The following CDIN1 variants were observed in gnomAD, a reference collection of about 807,000 sequenced individuals.
CDIN1 encodes CDAN1-interacting nuclease 1.
A neutral mutation model predicts 45.3 loss-of-function variants in CDIN1; 33 were observed. The observed-to-expected ratio is 0.73, with a 90% CI of 0.55 to 0.97. CDIN1 has a LOEUF of 0.97. Among genes scored for constraint, CDIN1 ranks in the 50% least tolerant of loss-of-function variants. CDIN1 has a pLI of 0.00. For synonymous variants in CDIN1, 118 were observed against 124.4 expected (o/e 0.95, Z 0.34); for missense variants, 303 against 339.4 (o/e 0.89, Z 0.84).
Position 36,619,030 on chromosome 15 carries a change from G to T in CDIN1, c.102-25248G>T. On this transcript the variant is annotated intron_variant, in intron 1 of 10. Coordinates refer to ENST00000566621, the MANE Select transcript of CDIN1 (RefSeq NM_001321759.2). ...ACTATGGGAACTTCGCTCCAATGTA[G>T]TGTCTCCCACGACAAACAAAGACAA... The T allele has an allele frequency of 2.2e-6, 3 of 1,393,956 alleles. No individual in the cohort carries two copies. In the South Asian group the frequency reaches 4.0e-5, roughly 19 times the overall value. 86.3% of individuals were successfully genotyped at this position (1,393,956 alleles called of 1,614,324 possible).
chr15:36,725,146 C>T (rs376409358), intron 10 of CDIN1, among the ~76,000 whole-genome samples: 4 of 152,156 alleles, frequency 2.6e-5, no homozygotes, highest in African/African-American at 9.6e-5. Context: ...CCTGCAACAC[C>T]GAGGGACTCA....
At chr15:36,696,594 A>G (rs895086240) in intron 7 of CDIN1, 1 of 152,044 alleles carries the variant, frequency 6.6e-6, no homozygotes, top group Admixed American at 6.6e-5. Flanking sequence ...TTTTTTTAGA[A>G]TTTTTTTTAA....
At chr15:36,610,874 G>T (rs574150542) in intron 1 of CDIN1, among the ~76,000 whole-genome samples, 1 of 152,308 alleles carries the variant, frequency 6.6e-6, no homozygotes, top group Admixed American at 6.5e-5. Context: ...AGTTCAAGGG[G>T]TCCAGTGGGA....
intron 8 of CDIN1, chr15:36,705,826 A>G (rs951697832): frequency 1.3e-5 from 2 of 152,186 alleles, no homozygotes; most frequent in African/African-American, 2.4e-5. Flanking sequence ...TAGTTGCTGA[A>G]TAAGACACAT....
intron 5 of CDIN1, among the ~76,000 whole-genome samples, chr15:36,677,094 A>G (rs1318614086): frequency 6.6e-6 from 1 of 152,178 alleles, no homozygotes; most frequent in Non-Finnish European, 1.5e-5. Flanking sequence ...CAGTGTGTTC[A>G]TAAATGTATT....
intron 5 of CDIN1, among the ~76,000 whole-genome samples, chr15:36,683,435 A>G (rs1167136903): frequency 1.3e-5 from 1 of 75,914 alleles, no homozygotes; most frequent in African/African-American, 5.3e-5. Context: ...CCATTGATCT[A>G]TATCTCTGTT....
intron 1 of CDIN1, among the ~76,000 whole-genome samples, chr15:36,596,327 G>A (rs1225687184): frequency 1.6e-4 from 25 of 152,058 alleles, no homozygotes; most frequent in Non-Finnish European, 1.5e-4. Flanking sequence ...ATTAGAGGGG[G>A]AATATTATGG....
At chr15:36,731,198 A>G (rs1411493062) in intron 10 of CDIN1, among the ~76,000 whole-genome samples, 1 of 152,110 alleles carries the variant, frequency 6.6e-6, no homozygotes, top group African/African-American at 2.4e-5. Flanking sequence ...AAAGAAAGTG[A>G]TTTATGGGAA....
intron 1 of CDIN1, among the ~76,000 whole-genome samples, chr15:36,622,425 A>G (rs2039240869): frequency 6.6e-6 from 1 of 152,206 alleles, no homozygotes; most frequent in African/African-American, 2.4e-5. Context: ...TGTTCATAGA[A>G]GTACAGCAGC....
intron 1 of CDIN1, among the ~76,000 whole-genome samples, chr15:36,630,880 T>C (rs1366232009): frequency 1.3e-5 from 2 of 152,098 alleles, no homozygotes; most frequent in Admixed American, 6.5e-5. Context: ...ACCAGCTCTT[T>C]AGAGAACCAA....
chr15:36,751,067 C>T (rs1229982527), intron 10 of CDIN1, among the ~76,000 whole-genome samples: 1 of 151,510 alleles, frequency 6.6e-6, no homozygotes, highest in African/African-American at 2.4e-5. Flanking sequence ...TTAGACGGTA[C>T]TGGGTAAGGG....
chr15:36,643,175 C>A (rs545604511), intron 1 of CDIN1, among the ~76,000 whole-genome samples: 1 of 152,120 alleles, frequency 6.6e-6, no homozygotes, highest in Admixed American at 6.5e-5. Context: ...GTATCAGTTT[C>A]CTTGGCAAAC....
At chr15:36,608,187 G>A (rs2038471543) in intron 1 of CDIN1, among the ~76,000 whole-genome samples, 1 of 152,002 alleles carries the variant, frequency 6.6e-6, no homozygotes, top group Non-Finnish European at 1.5e-5. Flanking sequence ...TGTTTCTCTT[G>A]GATAGATACC....
intron 1 of CDIN1, among the ~76,000 whole-genome samples, chr15:36,612,078 A>C (rs1019971803): frequency 6.6e-6 from 1 of 152,186 alleles, no homozygotes; most frequent in African/African-American, 2.4e-5. Flanking sequence ...TTCTAATGTG[A>C]TAGAATCCTC....
intron 10 of CDIN1, among the ~76,000 whole-genome samples, chr15:36,777,075 A>C (rs1442536131): frequency 6.6e-6 from 1 of 152,168 alleles, no homozygotes; most frequent in Non-Finnish European, 1.5e-5. Flanking sequence ...TACTGGGGAA[A>C]AAAATACTTA....
intron 10 of CDIN1, chr15:36,799,328 C>G (rs146177593): frequency 3.3e-5 from 5 of 152,260 alleles, no homozygotes; most frequent in African/African-American, 1.2e-4. Flanking sequence ...TCTCTCTCTT[C>G]CCATTTGAGA....
chr15:36,587,226 A>G (rs909207100), intron 1 of CDIN1, among the ~76,000 whole-genome samples: 4 of 152,056 alleles, frequency 2.6e-5, no homozygotes, highest in Admixed American at 6.6e-5. Context: ...ATCTTGGCCC[A>G]TATCTCCTAC....
chr15:36,718,027 C>CTTA (rs3045908), intron 10 of CDIN1, among the ~76,000 whole-genome samples: 116,629 of 151,634 alleles, frequency 0.77, 45,530 homozygotes, highest in East Asian at 0.96. Context: ...GAGTTGCTTT[C>CTTA]TTATTGAGTT....
At chr15:36,657,498 A>G (rs1476023588) in intron 4 of CDIN1, among the ~76,000 whole-genome samples, 1 of 152,176 alleles carries the variant, frequency 6.6e-6, no homozygotes, top group Non-Finnish European at 1.5e-5. Context: ...TGGCTTGAAT[A>G]AAAAATTATA....
Sources: gnomAD v4.1 joint callset for allele counts (sites outside exome capture counted in the v4.1 genomes callset) on GRCh38, gnomAD v4.1.1 for gene constraint, MANE v1.5 for transcripts, NCBI Gene and HGNC (gene_info 2026-07-23, HGNC 2026-07-21) for gene names.